EFCAB13: variants seen among roughly 807,000 people sequenced by gnomAD.
EFCAB13 encodes the protein EF-hand calcium binding domain 13, also known as EF-hand calcium-binding domain-containing protein 13.
EFCAB13 carries 91 observed loss-of-function variants against 110.2 expected under a neutral mutation model. The observed-to-expected ratio is 0.83, with a 90% confidence interval of 0.70 to 0.98. The LOEUF (loss-of-function observed/expected upper bound fraction) is 0.98, where lower values mean the gene tolerates loss of function less well. Ranked by LOEUF, EFCAB13 falls within the 50% of genes least tolerant of loss-of-function variation. The probability of loss-of-function intolerance (pLI) is 0.00; values close to 1 mark genes in which losing one functional copy is unlikely to be tolerated. For synonymous variants in EFCAB13, 323 were observed against 369.9 expected (o/e 0.87, Z 1.45); for missense variants, 968 against 1,119.4 (o/e 0.86, Z 1.93).
chr17:47,397,059 C>T (rs968060160), intron 17 of EFCAB13, among the ~76,000 whole-genome samples: 12 of 146,986 alleles, frequency 8.2e-5, no homozygotes, highest in African/African-American at 2.5e-4. Flanking sequence ...CCTCTCATGC[C>T]GAGCCGAAGC....
rs144426131 is a variant in EFCAB13, at chr17:47,405,913, AT to A, written c.2233+1288del. 0.016 allele frequency among the ~76,000 whole-genome samples: 2,455 copies of A among 150,992 alleles called. 146 individuals are homozygous for A. The East Asian group carries it at 0.2, about 13-fold the overall frequency. On this transcript the variant is annotated intron_variant, in intron 20 of 24. Coordinates refer to ENST00000331493, the MANE Select transcript of EFCAB13 (RefSeq NM_152347.5). ...CTTGTTTAAATTATTTATTTACTTT[AT>A]TTTTTTTCTTACTGGGTAATAAACA...
chr17:47,389,862 A>T (rs1046945799), intron 14 of EFCAB13, among the ~76,000 whole-genome samples: 10 of 152,208 alleles, frequency 6.6e-5, no homozygotes, highest in African/African-American at 1.7e-4. Flanking sequence ...CTGTAAAATT[A>T]AAAAAGAGCT....
intron 7 of EFCAB13, 94 bp from the exon 8 acceptor site, chr17:47,344,922 A>G: frequency 1.1e-6 from 1 of 909,554 alleles, no homozygotes; most frequent in South Asian, 1.5e-5. Context: ...AAAGGTTCTT[A>G]TGAATCTCAG....
intron 12 of EFCAB13, 63 bp downstream of exon 12, chr17:47,375,029 T>C: frequency 1.4e-6 from 2 of 1,469,436 alleles, no homozygotes; most frequent in African/African-American, 1.4e-5. Context: ...AATGAATCAA[T>C]TATTAGATAG....
chr17:47,393,282 A>G (rs1379539271), intron 15 of EFCAB13, among the ~76,000 whole-genome samples: 1 of 152,182 alleles, frequency 6.6e-6, no homozygotes, highest in Non-Finnish European at 1.5e-5. Flanking sequence ...ATTGGTAAAT[A>G]TGGTGAAAGT....
chr17:47,414,236 T>A (rs573905244), intron 22 of EFCAB13, among the ~76,000 whole-genome samples: 1 of 88,614 alleles, frequency 1.1e-5, no homozygotes, highest in South Asian at 3.2e-4. Flanking sequence ...CTTGTGACTG[T>A]GTATGTGTGT....
chr17:47,423,793 C>G (rs976168971), intron 23 of EFCAB13, among the ~76,000 whole-genome samples: 34 of 152,112 alleles, frequency 2.2e-4, no homozygotes, highest in African/African-American at 7.7e-4. Context: ...GCGGCGGCCT[C>G]CTGCACCTCA....
chr17:47,365,971 T>G (rs2065543247), intron 10 of EFCAB13, among the ~76,000 whole-genome samples: 1 of 152,164 alleles, frequency 6.6e-6, no homozygotes, highest in African/African-American at 2.4e-5. Flanking sequence ...CCAAAAATTT[T>G]GGGTCACCCA....
intron 2 of EFCAB13, among the ~76,000 whole-genome samples, chr17:47,325,945 TATATATATATATATATAGC>T (rs1419873616): frequency 2.3e-5 from 2 of 85,950 alleles, no homozygotes; most frequent in Non-Finnish European, 4.8e-5. Context: ...TATATATATA[TATATATATATATATATAGC>T]ATATATATAT....
In EFCAB13 at chr17:47,360,311, C is replaced by T. The variant is rs369766648; in HGVS notation, c.662-1067C>T. Among the ~76,000 whole-genome samples the T allele has an allele frequency of 3.3e-5, 5 of 152,034 alleles. No homozygotes were observed. The South Asian group carries it at 8.3e-4, about 25-fold the overall frequency. ...TGTTGTTTCCTGACTTTTTAATGATCGCCATTCTAACTGGTGTGAGATGGT... is the reference window on the plus strand; with the variant it reads ...TGTTGTTTCCTGACTTTTTAATGATTGCCATTCTAACTGGTGTGAGATGGT... On this transcript the variant is annotated intron_variant, in intron 9 of 24. Transcript: ENST00000331493.
chr17:47,414,171 A>T (rs2143473364), intron 22 of EFCAB13, among the ~76,000 whole-genome samples: 2 of 152,216 alleles, frequency 1.3e-5, no homozygotes, highest in Middle Eastern at 6.8e-3. Context: ...AAGTCTCCTT[A>T]ATATAATTAT....
rs146410948 is a variant in EFCAB13, at chr17:47,425,662, T to C, written c.2495-4156T>C. Among the ~76,000 whole-genome samples, 1,492 of 152,286 alleles carry C rather than the reference T, an allele frequency of 9.8e-3. 27 individuals carry two copies. Among genetic ancestry groups the C allele is most frequent in the African/African-American group, 0.034 (1,411 of 41,542 alleles). On this transcript the variant is annotated intron_variant, in intron 23 of 24. Transcript: ENST00000331493. Reference sequence around the variant, plus strand: ...TCACAGAAGATAAGGAGTAGGTACCTTGAAGACACAGATAGAAACTTGAAC... The same window carrying C: ...TCACAGAAGATAAGGAGTAGGTACCCTGAAGACACAGATAGAAACTTGAAC...
intron 23 of EFCAB13, among the ~76,000 whole-genome samples, chr17:47,427,092 G>C (rs1347340002): frequency 6.6e-6 from 1 of 152,060 alleles, no homozygotes; most frequent in Non-Finnish European, 1.5e-5. Flanking sequence ...AGAATTAAGT[G>C]AGAGCATTTC....
rs1386461836 is a variant in EFCAB13 at position 47,420,749 on chromosome 17, G to A, written c.2494+5830G>A. On this transcript the variant is annotated intron_variant, in intron 23 of 24. Transcript: ENST00000331493. ...TGAGAAGTGAGGAGCCCCTCCGCCCGGCAGCCACCCCGTCTGGGAAGTGAG... is the reference window on the plus strand; with the variant it reads ...TGAGAAGTGAGGAGCCCCTCCGCCCAGCAGCCACCCCGTCTGGGAAGTGAG... Among the ~76,000 whole-genome samples the A allele has an allele frequency of 3.0e-3, 375 of 124,048 alleles. 3 individuals are homozygous for A. Among genetic ancestry groups the A allele is most frequent in the African/African-American group, 0.011 (360 of 32,092 alleles). 81.4% of individuals were successfully genotyped at this position (124,048 alleles called of 152,430 possible).
intron 10 of EFCAB13, among the ~76,000 whole-genome samples, chr17:47,366,642 G>A (rs2065547990): frequency 6.6e-6 from 1 of 152,118 alleles, no homozygotes; most frequent in Non-Finnish European, 1.5e-5. Flanking sequence ...CATATTGATT[G>A]CCTTAGTTTC....
chr17:47,415,500 A>T (rs996266489), intron 23 of EFCAB13, among the ~76,000 whole-genome samples: 6 of 152,170 alleles, frequency 3.9e-5, no homozygotes, highest in Non-Finnish European at 8.8e-5. Context: ...TAATATAAAA[A>T]TAAGTGAAGA....
intron 14 of EFCAB13, among the ~76,000 whole-genome samples, chr17:47,386,252 C>G (rs1166470646): frequency 6.6e-6 from 1 of 152,196 alleles, no homozygotes. Flanking sequence ...CACAGCCGCC[C>G]CTTCCCCCAG....
chr17:47,332,525 C>G (rs1480952874), intron 4 of EFCAB13, among the ~76,000 whole-genome samples: 1 of 152,020 alleles, frequency 6.6e-6, no homozygotes, highest in African/African-American at 2.4e-5. Context: ...ACTCTGTGCC[C>G]TTTGATCAAT....
intron 23 of EFCAB13, among the ~76,000 whole-genome samples, chr17:47,425,579 C>G (rs1200477633): frequency 1.3e-5 from 2 of 152,220 alleles, no homozygotes; most frequent in Non-Finnish European, 2.9e-5. Context: ...ACCACACTTA[C>G]CACTTGCAGC....
Sources: allele counts gnomAD v4.1 joint callset (sites outside exome capture counted in the v4.1 genomes callset), GRCh38; gene constraint gnomAD v4.1.1; transcripts MANE v1.5; gene names NCBI Gene and HGNC (gene_info 2026-07-23, HGNC 2026-07-21).